The following DDX10 variants were observed in gnomAD, a reference collection of about 807,000 sequenced individuals.
The protein encoded by DDX10 is probable ATP-dependent RNA helicase DDX10.
Under a neutral mutation model 104.3 loss-of-function variants are expected in DDX10, and 74 were observed. The observed-to-expected ratio is 0.71, with a 90% confidence interval of 0.59 to 0.86. The LOEUF (loss-of-function observed/expected upper bound fraction) is 0.86, where lower values mean the gene tolerates loss of function less well. Ranked by LOEUF, DDX10 falls within the 40% of genes least tolerant of loss-of-function variation. The pLI, the probability that DDX10 is intolerant of heterozygous loss-of-function variation, is 0.00. For synonymous variants in DDX10, 351 were observed against 353.4 expected (o/e 0.99, Z 0.08); for missense variants, 952 against 1,040.0 (o/e 0.92, Z 1.16).
At chr11:108,905,539 C>T (rs1863585220) in intron 16 of DDX10, among the ~76,000 whole-genome samples, 1 of 151,994 alleles carries the variant, frequency 6.6e-6, no homozygotes, top group South Asian at 2.1e-4. Flanking sequence ...ATGTATCCAT[C>T]GTAATCAAAG....
At chr11:108,869,675 T>C (rs1039785704) in intron 16 of DDX10, among the ~76,000 whole-genome samples, 6 of 152,262 alleles carry the variant, frequency 3.9e-5, no homozygotes, top group Admixed American at 3.9e-4. Context: ...AAGTTTGATA[T>C]GTTCAAACTT....
At chr11:108,817,223 C>G (rs1267994935) in intron 13 of DDX10, among the ~76,000 whole-genome samples, 1 of 152,186 alleles carries the variant, frequency 6.6e-6, no homozygotes, top group Non-Finnish European at 1.5e-5. Flanking sequence ...AATCTACCTC[C>G]TGACTCTGTC....
At chr11:108,686,665 T>C (rs1161686813) in intron 6 of DDX10, among the ~76,000 whole-genome samples, 1 of 152,246 alleles carries the variant, frequency 6.6e-6, no homozygotes, top group African/African-American at 2.4e-5. Flanking sequence ...CTTGATTGCC[T>C]TCAAGTTTTG....
intron 13 of DDX10, among the ~76,000 whole-genome samples, chr11:108,836,367 A>G (rs1433660448): frequency 6.6e-6 from 1 of 152,248 alleles, no homozygotes; most frequent in Non-Finnish European, 1.5e-5. Flanking sequence ...AAATCATAAT[A>G]TTATTGCAGA....
At chr11:108,788,685 T>G (rs1861829486) in intron 13 of DDX10, among the ~76,000 whole-genome samples, 1 of 152,214 alleles carries the variant, frequency 6.6e-6, no homozygotes, top group African/African-American at 2.4e-5. Context: ...TTTTAAAAGT[T>G]TTCACTGGTG....
intron 13 of DDX10, among the ~76,000 whole-genome samples, chr11:108,743,094 C>T (rs2094327259): frequency 6.6e-6 from 1 of 152,116 alleles, no homozygotes; most frequent in Non-Finnish European, 1.5e-5. Context: ...AACTTCAGGT[C>T]AATATCCTTG....
At chr11:108,789,743 G>T (rs1378875704) in intron 13 of DDX10, among the ~76,000 whole-genome samples, 1 of 152,176 alleles carries the variant, frequency 6.6e-6, no homozygotes, top group East Asian at 1.9e-4. Flanking sequence ...ACCATAGGTG[G>T]CTTAAAGAAC....
chr11:108,698,113 C>G lies in DDX10; in HGVS notation c.1223+4513C>G, dbSNP rs569427338. Among the ~76,000 whole-genome samples the G allele has an allele frequency of 3.5e-4, 53 of 152,258 alleles. 1 individual carries two copies. The highest frequency in any genetic ancestry group is 2.8e-3 in the Admixed American group (43 of 15,288). On this transcript the variant is annotated intron_variant, in intron 9 of 17. Transcript: ENST00000322536. The stretch of plus-strand genomic sequence containing the variant: ...CACACTCACTGGCAGCAGCTTAGAT[C>G]TTAGAAAAGAGGAAGATGGCCACTA...
intron 12 of DDX10, among the ~76,000 whole-genome samples, chr11:108,721,445 C>T (rs1222978649): frequency 6.6e-6 from 1 of 152,096 alleles, no homozygotes; most frequent in South Asian, 2.1e-4. Flanking sequence ...TCTGATTTGA[C>T]CTACCTTGAT....
At chr11:108,690,887 C>T (rs1362702584) in intron 7 of DDX10, 1 of 161,132 alleles carries the variant, frequency 6.2e-6, no homozygotes, top group Non-Finnish European at 1.4e-5. Flanking sequence ...CTGAAGCCTC[C>T]ATCGAAGCCT....
At chr11:108,832,018 A>T (rs191132187) in intron 13 of DDX10, among the ~76,000 whole-genome samples, 58 of 152,254 alleles carry the variant, frequency 3.8e-4, no homozygotes, top group African/African-American at 1.2e-3. Context: ...TCATATTTTG[A>T]TGTTTTACAT....
chr11:108,721,446 C>G (rs1324961422), intron 12 of DDX10, among the ~76,000 whole-genome samples: 2 of 152,072 alleles, frequency 1.3e-5, no homozygotes, highest in Non-Finnish European at 2.9e-5. Context: ...CTGATTTGAC[C>G]TACCTTGATA....
chr11:108,800,060 C>T (rs904935361), intron 13 of DDX10, among the ~76,000 whole-genome samples: 6 of 152,100 alleles, frequency 3.9e-5, no homozygotes, highest in African/African-American at 1.4e-4. Context: ...ACTTCAGCCT[C>T]CCGAGCAGCT....
chr11:108,908,716 G>A (rs1055191780), intron 16 of DDX10, among the ~76,000 whole-genome samples: 1 of 152,182 alleles, frequency 6.6e-6, no homozygotes, highest in African/African-American at 2.4e-5. Flanking sequence ...TATATTTGGT[G>A]TCAGACAACA....
At chr11:108,913,077 C>T (rs1454821054) in intron 16 of DDX10, among the ~76,000 whole-genome samples, 1 of 152,166 alleles carries the variant, frequency 6.6e-6, no homozygotes, top group Non-Finnish European at 1.5e-5. Context: ...CCCAAAACAT[C>T]TGAGACAAAT....
intron 4 of DDX10, among the ~76,000 whole-genome samples, 192 bp downstream of exon 4, chr11:108,677,435 A>AT (rs777793456): frequency 8.0e-5 from 12 of 150,216 alleles, no homozygotes; most frequent in East Asian, 2.0e-4. Context: ...CAGAAAGTCC[A>AT]TTTTTTTTTG....
At chr11:108,689,297 C>G (rs1030915421) in intron 7 of DDX10, among the ~76,000 whole-genome samples, 3 of 152,096 alleles carry the variant, frequency 2.0e-5, no homozygotes, top group African/African-American at 4.8e-5. Context: ...AAATGTAGTC[C>G]TCAATAAATA....
At chr11:108,840,322 T>G (rs1174217831) in intron 14 of DDX10, among the ~76,000 whole-genome samples, 1 of 152,208 alleles carries the variant, frequency 6.6e-6, no homozygotes, top group Non-Finnish European at 1.5e-5. Context: ...CTGCGATGTG[T>G]GTGCTTGCAG....
chr11:108,886,741 T>A (rs1400865825), intron 16 of DDX10, among the ~76,000 whole-genome samples: 4 of 152,212 alleles, frequency 2.6e-5, no homozygotes, highest in African/African-American at 9.6e-5. Context: ...TTTTCAGTTA[T>A]TTAACCACCA....
Sources: allele counts gnomAD v4.1 joint callset (sites outside exome capture counted in the v4.1 genomes callset), GRCh38; gene constraint gnomAD v4.1.1; transcripts MANE v1.5; gene names NCBI Gene and HGNC (gene_info 2026-07-23, HGNC 2026-07-21).